The following IFT81 variants were observed in gnomAD, a reference collection of about 807,000 sequenced individuals.
IFT81 encodes intraflagellar transport 81, also known as intraflagellar transport protein 81 homolog.
A neutral mutation model predicts 102.6 loss-of-function variants in IFT81; 72 were observed. The ratio of observed to expected loss-of-function variants is 0.70; its 90% CI spans 0.58 to 0.85. The LOEUF is 0.85. IFT81 is among the 40% of genes least tolerant of loss of function. IFT81 has a pLI of 0.00. For missense variants in IFT81, 723 were observed against 787.3 expected, an observed-to-expected ratio of 0.92 and a Z score of 0.98; for synonymous variants, 237 against 242.7, an observed-to-expected ratio of 0.98 and a Z score of 0.22.
intron 4 of IFT81, among the ~76,000 whole-genome samples, chr12:110,131,688 AC>A (rs1450200447): frequency 6.6e-6 from 1 of 152,108 alleles, no homozygotes; most frequent in Admixed American, 6.5e-5. Flanking sequence ...TGGGTTATGC[AC>A]TGTGCTAGGC....
chr12:110,129,185 A>G, intron 4 of IFT81, 55 bp downstream of exon 4: 1 of 1,251,452 alleles, frequency 8.0e-7, no homozygotes, highest in Non-Finnish European at 1.1e-6. Flanking sequence ...AGGTGTATAT[A>G]TTCAAATACA....
At chr12:110,130,848 G>T (rs1331211456) in intron 4 of IFT81, among the ~76,000 whole-genome samples, 1 of 151,682 alleles carries the variant, frequency 6.6e-6, no homozygotes, top group African/African-American at 2.4e-5. Context: ...AATATATAAT[G>T]ATTTACACAT....
At chr12:110,165,462 GC>G (rs1202493032) in intron 11 of IFT81, among the ~76,000 whole-genome samples, 1 of 151,990 alleles carries the variant, frequency 6.6e-6, no homozygotes, top group Non-Finnish European at 1.5e-5. Flanking sequence ...CATGTCCTTT[GC>G]CCCCCATCTG....
At chr12:110,205,808 A>C in intron 17 of IFT81, 128 bp downstream of exon 17, 1 of 538,718 alleles carries the variant, frequency 1.9e-6, no homozygotes. Flanking sequence ...ATTTAATACT[A>C]AATCTTACTA....
intron 14 of IFT81, among the ~76,000 whole-genome samples, chr12:110,195,682 G>T (rs865985233): frequency 6.6e-6 from 1 of 152,062 alleles, no homozygotes; most frequent in Admixed American, 6.6e-5. Context: ...TAGATCCAGC[G>T]CTCATTACCA....
At position 110,173,977 on chromosome 12, in the gene IFT81, GA is replaced by G. The variant is rs201896470; in HGVS notation, c.1189-6436del. ...AATGATCAATAAAAAAAAAAAGAAA[GA>G]AAAAAAAAGAAAAATTAGGCCGGGC... On this transcript the variant is annotated intron_variant, in intron 11 of 18. Transcript: ENST00000242591. Among the ~76,000 whole-genome samples, 267 of 149,680 alleles carry G rather than the reference GA, an allele frequency of 1.8e-3. 2 individuals are homozygous for G. The highest frequency in any genetic ancestry group is 2.4e-3 in the Admixed American group (36 of 15,004).
intron 12 of IFT81, among the ~76,000 whole-genome samples, chr12:110,180,847 T>G (rs1161879002): frequency 3.3e-5 from 5 of 152,156 alleles, no homozygotes; most frequent in Non-Finnish European, 5.9e-5. Context: ...ATGAGTAAAA[T>G]TATCATACCA....
chr12:110,190,830 A>G (rs908930441), intron 12 of IFT81, 90 bp from the exon 13 acceptor site: 2 of 1,190,238 alleles, frequency 1.7e-6, no homozygotes, highest in African/African-American at 3.2e-5. Flanking sequence ...TCTATTTACA[A>G]TTTTTTGTTA....
At chr12:110,138,588 AC>A (rs1371046657) in intron 8 of IFT81, among the ~76,000 whole-genome samples, 1 of 152,106 alleles carries the variant, frequency 6.6e-6, no homozygotes, top group Non-Finnish European at 1.5e-5. Flanking sequence ...GTGTGCCACC[AC>A]ACCCAGCTAA....
At chr12:110,163,326 C>T (rs965243029) in intron 11 of IFT81, among the ~76,000 whole-genome samples, 7 of 151,238 alleles carry the variant, frequency 4.6e-5, no homozygotes, top group African/African-American at 9.7e-5. Flanking sequence ...CTGCAACCTC[C>T]GCCTACCAGG....
intron 11 of IFT81, chr12:110,168,245 A>T (rs1896545913): frequency 6.6e-6 from 1 of 152,360 alleles, no homozygotes; most frequent in Admixed American, 6.5e-5. Context: ...ATTGCTAGTA[A>T]GTAGTAGAAC....
rs148765135 is a variant in IFT81 at position 110,212,928 on chromosome 12, A to C, written c.1848+3712A>C. Among the ~76,000 whole-genome samples, 44 of 152,276 alleles carry C rather than the reference A, an allele frequency of 2.9e-4. 1 individual carries two copies. In the East Asian group the frequency reaches 7.1e-3, roughly 25 times the overall value. ...ATATATCCATCATCCAACTCTAATC[A>C]TTAAATTCGTGGCCAGCCTTGTTTT... On this transcript the variant is annotated intron_variant, in intron 18 of 18. Coordinates refer to ENST00000242591, the MANE Select transcript of IFT81 (RefSeq NM_014055.4).
chr12:110,177,651 G>C (rs535634709), intron 11 of IFT81, among the ~76,000 whole-genome samples: 1 of 152,120 alleles, frequency 6.6e-6, no homozygotes, highest in African/African-American at 2.4e-5. Flanking sequence ...TTATTTTAAC[G>C]TGAAGAATTT....
intron 12 of IFT81, among the ~76,000 whole-genome samples, chr12:110,182,487 G>A (rs1358944386): frequency 3.3e-5 from 5 of 152,148 alleles, no homozygotes; most frequent in African/African-American, 1.2e-4. Context: ...CTTGAGAAGT[G>A]TGAGACTCTA....
intron 9 of IFT81, among the ~76,000 whole-genome samples, chr12:110,146,293 T>C (rs1174072256): frequency 2.0e-5 from 3 of 152,232 alleles, no homozygotes; most frequent in Non-Finnish European, 2.9e-5. Context: ...ATGATTAGGA[T>C]AAATGATAGT....
intron 1 of IFT81, among the ~76,000 whole-genome samples, chr12:110,125,421 GTCTC>G (rs1220055241): frequency 6.6e-6 from 1 of 152,162 alleles, no homozygotes; most frequent in East Asian, 1.9e-4. Flanking sequence ...TTGAGACGGA[GTCTC>G]TCTCTGTCCC....
At chr12:110,138,887 G>A (rs1218688032) in intron 8 of IFT81, among the ~76,000 whole-genome samples, 1 of 152,058 alleles carries the variant, frequency 6.6e-6, no homozygotes, top group African/African-American at 2.4e-5. Flanking sequence ...AATTTACCCA[G>A]GATTTTGAAA....
chr12:110,215,394 G>A (rs868797732), intron 18 of IFT81, among the ~76,000 whole-genome samples: 1 of 147,726 alleles, frequency 6.8e-6, no homozygotes, highest in Non-Finnish European at 1.5e-5. Flanking sequence ...GTTGTCTCTA[G>A]CACATGGGAT....
In IFT81 at chr12:110,136,698, G is replaced by C. The variant is rs1000264544; in HGVS notation, c.697-78G>C. ...ATATCATAAGAATTATATGGAACTT[G>C]TATTTTTCATTGCTTGCCTAAGTGA... On this transcript the variant is annotated intron_variant, in intron 7 of 18. Transcript: ENST00000242591. The C allele has an allele frequency of 3.6e-5, 26 of 722,712 alleles. No individual in the cohort carries two copies. In the African/African-American group the frequency reaches 4.5e-4, roughly 13 times the overall value. The allele number at this position is 722,712 out of a possible 1,614,324, so 44.8% of individuals were successfully genotyped here. A position where few individuals can be genotyped will look rare whatever the true frequency, so the allele number is the denominator to read the frequency against.
Sources: allele counts gnomAD v4.1 joint callset (sites outside exome capture counted in the v4.1 genomes callset), GRCh38; gene constraint gnomAD v4.1.1; transcripts MANE v1.5; gene names NCBI Gene and HGNC (gene_info 2026-07-23, HGNC 2026-07-21).